The following ASTN2 variants were observed in gnomAD, a reference collection of about 807,000 sequenced individuals.
ASTN2 encodes astrotactin 2.
A neutral mutation model predicts 139.8 loss-of-function variants in ASTN2; 54 were observed. That is an observed-to-expected ratio of 0.39 (90% CI 0.31 to 0.48). The LOEUF (loss-of-function observed/expected upper bound fraction) is 0.48, where lower values mean the gene tolerates loss of function less well. Ranked by LOEUF, ASTN2 falls within the 20% of genes least tolerant of loss-of-function variation. The pLI is 0.95. For synonymous variants in ASTN2, 756 were observed against 719.5 expected (o/e 1.05, Z -0.81); for missense variants, 1,565 against 1,725.1 (o/e 0.91, Z 1.64).
chr9:116,830,648 C>T (rs1414177094), intron 11 of ASTN2, among the ~76,000 whole-genome samples: 1 of 151,528 alleles, frequency 6.6e-6, no homozygotes, highest in East Asian at 1.9e-4. Context: ...AAAAATTAGC[C>T]AGGCATGGTG....
intron 19 of ASTN2, among the ~76,000 whole-genome samples, chr9:116,506,306 C>T (rs936467449): frequency 6.6e-6 from 1 of 152,162 alleles, no homozygotes; most frequent in Admixed American, 6.5e-5. Flanking sequence ...TTCTAAAGTC[C>T]TTCAGCTGGT....
rs540698903 is a variant in ASTN2 at position 116,602,639 on chromosome 9, ATGATGAAGGC to A, written c.3355+15675_3355+15684del. ...AAAATAGGGTATTATGGGTTTAAGA[ATGATGAAGGC>A]TGAGTGTGGTGGCTCACATTTGTAA... On this transcript the variant is annotated intron_variant, in intron 19 of 22. Transcript: ENST00000313400. 8.7e-4 allele frequency among the ~76,000 whole-genome samples: 133 copies of A among 152,316 alleles called. 1 individual carries two copies. Among genetic ancestry groups the A allele is most frequent in the Admixed American group, 2.2e-3 (33 of 15,300 alleles).
rs1847815715 is a variant in ASTN2, at chr9:116,440,744, T to C, written c.3647A>G (p.Lys1216Arg). The C allele has an allele frequency of 6.2e-7, 1 of 1,614,104 alleles. No homozygotes were observed. Among genetic ancestry groups the C allele is most frequent in the Admixed American group, 1.7e-5 (1 of 60,012 alleles). The change falls in exon 22 of 23, where the codon AAG becomes AGG. Residue 1216 changes from lysine to arginine, a missense_variant. This residue lies in a region of ASTN2 where 418 missense variants were observed against 465.8 expected (regional missense o/e 0.90). Coordinates refer to ENST00000313400, the MANE Select transcript of ASTN2 (RefSeq NM_001365068.1). Reference protein sequence around the residue: ...YNLYNGYTSGKEQQMAYNTLM... With the variant: ...YNLYNGYTSGREQQMAYNTLM... ...TGTGTTGTAGGCCATCTGCTGCTCCTTTCCACTTGTGTACCCATTGTACAG... is the reference window on the plus strand; with the variant it reads ...TGTGTTGTAGGCCATCTGCTGCTCCCTTCCACTTGTGTACCCATTGTACAG...
intron 17 of ASTN2, among the ~76,000 whole-genome samples, chr9:116,630,322 A>G (rs567438144): frequency 6.6e-6 from 1 of 152,296 alleles, no homozygotes; most frequent in Admixed American, 6.5e-5. Flanking sequence ...ATCTCCATAA[A>G]CAGCCTGTAT....
chr9:116,512,571 C>T (rs1436857020), intron 19 of ASTN2, among the ~76,000 whole-genome samples: 2 of 152,108 alleles, frequency 1.3e-5, no homozygotes, highest in Non-Finnish European at 2.9e-5. Context: ...AACTTTCTGT[C>T]TCGTTGATCT....
intron 10 of ASTN2, among the ~76,000 whole-genome samples, chr9:116,950,446 T>C (rs1386108748): frequency 6.6e-6 from 1 of 152,134 alleles, no homozygotes; most frequent in East Asian, 1.9e-4. Flanking sequence ...GAGAGAGAGA[T>C]ATATATTAAT....
Position 116,973,344 on chromosome 9 carries a change from G to A in ASTN2, c.1889+1864C>T, listed in dbSNP as rs149665277. On this transcript the variant is annotated intron_variant, in intron 10 of 22. Coordinates refer to ENST00000313400, the MANE Select transcript of ASTN2 (RefSeq NM_001365068.1). Reference sequence around the variant, plus strand: ...ATTATTATTACCCTCTGTGAGGAAGGCACTGTTATTATCCCCATTTTGCAG... The same window carrying A: ...ATTATTATTACCCTCTGTGAGGAAGACACTGTTATTATCCCCATTTTGCAG... Among the ~76,000 whole-genome samples, 52 of 152,248 alleles carry A rather than the reference G, an allele frequency of 3.4e-4. 1 individual carries two copies. The East Asian group carries it at 9.8e-3, about 29-fold the overall frequency.
intron 3 of ASTN2, among the ~76,000 whole-genome samples, chr9:117,203,223 T>C (rs1831789066): frequency 6.6e-6 from 1 of 152,152 alleles, no homozygotes; most frequent in African/African-American, 2.4e-5. Flanking sequence ...GTTACTCTAG[T>C]TAGCAATTCC....
At chr9:116,439,357 C>T (rs1016946839) in intron 22 of ASTN2, among the ~76,000 whole-genome samples, 2 of 144,712 alleles carry the variant, frequency 1.4e-5, no homozygotes, top group African/African-American at 5.3e-5. Context: ...CCCGCCACTA[C>T]GCCCGGCTAA....
At chr9:116,879,621 C>A (rs1174364924) in intron 10 of ASTN2, among the ~76,000 whole-genome samples, 2 of 152,204 alleles carry the variant, frequency 1.3e-5, no homozygotes, top group Non-Finnish European at 2.9e-5. Flanking sequence ...GCCATGCTCA[C>A]TGAAGTCTAG....
At chr9:116,988,360 G>C (rs1836743014) in intron 7 of ASTN2, among the ~76,000 whole-genome samples, 1 of 152,168 alleles carries the variant, frequency 6.6e-6, no homozygotes, top group Non-Finnish European at 1.5e-5. Context: ...AGTATCACCT[G>C]CTATTGCTAT....
chr9:116,863,244 G>A (rs746206987), intron 11 of ASTN2, among the ~76,000 whole-genome samples: 9 of 152,094 alleles, frequency 5.9e-5, no homozygotes, highest in Admixed American at 2.6e-4. Flanking sequence ...TTGACATCCC[G>A]CCTACTATTG....
At position 117,029,743 on chromosome 9, in the gene ASTN2, G is replaced by A. The variant is rs188728242; in HGVS notation, c.1423+10076C>T. Among the ~76,000 whole-genome samples the A allele has an allele frequency of 1.5e-4, 23 of 152,122 alleles. No homozygotes were observed. In the East Asian group the frequency reaches 3.3e-3, roughly 22 times the overall value. On this transcript the variant is annotated intron_variant, in intron 6 of 22. Transcript: ENST00000313400. ...AGCAGAACACTATATAAGAATAAAA[G>A]AGTGGTGTTATTAATGCATTTTAAC...
chr9:116,931,773 C>G (rs1428580667), intron 10 of ASTN2, among the ~76,000 whole-genome samples: 1 of 152,122 alleles, frequency 6.6e-6, no homozygotes, highest in Non-Finnish European at 1.5e-5. Context: ...AATATCACAT[C>G]TCTTGTGTAA....
chr9:116,435,821 G>A (rs745701175), intron 22 of ASTN2, among the ~76,000 whole-genome samples: 2 of 152,304 alleles, frequency 1.3e-5, no homozygotes, highest in Admixed American at 6.5e-5. Context: ...ATCACTATGA[G>A]AGCTTGTTAC....
chr9:117,147,392 C>A (rs567530548), intron 3 of ASTN2, among the ~76,000 whole-genome samples: 2 of 151,758 alleles, frequency 1.3e-5, no homozygotes, highest in Non-Finnish European at 2.9e-5. Flanking sequence ...GCTGAGATCA[C>A]GCCATTGCAC....
chr9:116,777,206 T>A (rs1830106441), intron 13 of ASTN2, among the ~76,000 whole-genome samples: 1 of 152,072 alleles, frequency 6.6e-6, no homozygotes, highest in Non-Finnish European at 1.5e-5. Flanking sequence ...TGGAAAAGAA[T>A]GTGACAGAAG....
At chr9:116,780,040 C>G (rs1263849932) in intron 13 of ASTN2, among the ~76,000 whole-genome samples, 1 of 152,184 alleles carries the variant, frequency 6.6e-6, no homozygotes, top group African/African-American at 2.4e-5. Flanking sequence ...CATTCATTCA[C>G]TCACCCACTC....
intron 11 of ASTN2, among the ~76,000 whole-genome samples, chr9:116,828,096 AC>A (rs1268288242): frequency 1.3e-5 from 2 of 152,160 alleles, no homozygotes; most frequent in African/African-American, 4.8e-5. Context: ...GGAGTTTGAG[AC>A]CAGCCTGGCC....
Sources: allele counts gnomAD v4.1 joint callset (sites outside exome capture counted in the v4.1 genomes callset), GRCh38; gene constraint gnomAD v4.1.1; regional missense constraint gnomAD v4.1.1; transcripts MANE v1.5; gene names NCBI Gene and HGNC (gene_info 2026-07-23, HGNC 2026-07-21).